The following ERBB4 variants were observed in gnomAD, a reference collection of about 807,000 sequenced individuals.
The protein encoded by ERBB4 is receptor tyrosine-protein kinase erbB-4.
A neutral mutation model predicts 158.0 loss-of-function variants in ERBB4; 42 were observed. That is an observed-to-expected ratio of 0.27 (90% CI 0.21 to 0.34). ERBB4 has a LOEUF of 0.34. Among genes scored for constraint, ERBB4 ranks in the 10% least tolerant of loss-of-function variants. ERBB4 has a pLI of 1.00. For missense variants in ERBB4, 1,333 were observed against 1,624.1 expected, an observed-to-expected ratio of 0.82 and a Z score of 3.08; for synonymous variants, 583 against 558.7, an observed-to-expected ratio of 1.04 and a Z score of -0.61.
chr2:212,142,637 ATCC>A (rs2080522547), intron 1 of ERBB4, among the ~76,000 whole-genome samples: 1 of 148,186 alleles, frequency 6.7e-6, no homozygotes, highest in Admixed American at 6.8e-5. Flanking sequence ...TATAAATATT[ATCC>A]TCAATTATAT....
intron 19 of ERBB4, among the ~76,000 whole-genome samples, chr2:211,580,859 GCATATACATATATATATATATATATATA>G (rs2068070289): frequency 1.5e-5 from 1 of 66,078 alleles, no homozygotes; most frequent in African/African-American, 6.9e-5. Flanking sequence ...TATATAGTAT[GCATATACATATATATATATATATATATA>G]TATATATATA....
intron 1 of ERBB4, among the ~76,000 whole-genome samples, chr2:212,352,338 A>C (rs373790413): frequency 4.1e-5 from 6 of 146,972 alleles, no homozygotes; most frequent in Middle Eastern, 3.5e-3. Context: ...AAAAAAAAAA[A>C]CACTTTATTT....
At chr2:211,681,500 TTAGTTTCCC>T (rs2072332502) in intron 12 of ERBB4, among the ~76,000 whole-genome samples, 1 of 152,158 alleles carries the variant, frequency 6.6e-6, no homozygotes. Context: ...AACTCAAAAT[TTAGTTTCCC>T]TACATCTTCA....
At chr2:212,077,842 T>C (rs2078318100) in intron 2 of ERBB4, among the ~76,000 whole-genome samples, 2 of 152,244 alleles carry the variant, frequency 1.3e-5, no homozygotes, top group Admixed American at 6.6e-5. Flanking sequence ...TTCTCATCTT[T>C]CCACAATTTC....
At chr2:211,422,224 G>C in intron 23 of ERBB4, 120 bp from the exon 24 acceptor site, 15 of 617,182 alleles carry the variant, frequency 2.4e-5, no homozygotes, top group Admixed American at 4.3e-5. Flanking sequence ...AATGATCTGA[G>C]AAAGAAAGCA....
chr2:211,850,408 A>AAT (rs139705130), intron 3 of ERBB4, among the ~76,000 whole-genome samples: 2 of 151,800 alleles, frequency 1.3e-5, no homozygotes, highest in South Asian at 4.1e-4. Context: ...ACTTGTGTTG[A>AAT]ATATATATAT....
rs1056432787 is a variant in ERBB4, at chr2:211,869,781, T to C, written c.421+77649A>G. 1.2e-4 allele frequency among the ~76,000 whole-genome samples: 19 copies of C among 152,320 alleles called. No individual in the cohort carries two copies. The South Asian group carries it at 3.9e-3, about 32-fold the overall frequency. On this transcript the variant is annotated intron_variant, in intron 3 of 27. Coordinates refer to ENST00000342788, the MANE Select transcript of ERBB4 (RefSeq NM_005235.3). ...GCATCTTCTCTAATAGAGTGGTATATATACAAATTATATTGATATTTTTAA... is the reference window on the plus strand; with the variant it reads ...GCATCTTCTCTAATAGAGTGGTATACATACAAATTATATTGATATTTTTAA...
rs1163858672 is a variant in ERBB4 at position 212,209,137 on chromosome 2, C to T, written c.83-84234G>A. On this transcript the variant is annotated intron_variant, in intron 1 of 27. Coordinates refer to ENST00000342788, the MANE Select transcript of ERBB4 (RefSeq NM_005235.3). ...TTTCTTCACATGCAGACTCATAATC[C>T]TTTCTATGGAAATAAAATTAATGTC... Among the ~76,000 whole-genome samples, 9 of 152,168 alleles carry T rather than the reference C, an allele frequency of 5.9e-5. No homozygotes were observed. In the East Asian group the frequency reaches 1.7e-3, roughly 29 times the overall value.
chr2:212,238,451 T>C lies in ERBB4; in HGVS notation c.83-113548A>G, dbSNP rs575903856. Among the ~76,000 whole-genome samples the C allele has an allele frequency of 7.3e-4, 111 of 152,216 alleles. 1 individual carries two copies. Among genetic ancestry groups the C allele is most frequent in the Admixed American group, 1.5e-3 (23 of 15,290 alleles). On this transcript the variant is annotated intron_variant, in intron 1 of 27. Coordinates refer to ENST00000342788, the MANE Select transcript of ERBB4 (RefSeq NM_005235.3). The stretch of plus-strand genomic sequence containing the variant: ...AGTGAGATGAGCCAGGTACCTCAGT[T>C]GGAAATGCAGAAACCACCTGCCTTC...
intron 20 of ERBB4, among the ~76,000 whole-genome samples, chr2:211,547,277 GA>G (rs988637540): frequency 2.6e-5 from 4 of 151,890 alleles, no homozygotes. Context: ...GCTATCTGGA[GA>G]AAAAAAATTG....
intron 1 of ERBB4, among the ~76,000 whole-genome samples, chr2:212,308,478 T>C (rs546373338): frequency 1.3e-4 from 19 of 151,172 alleles, no homozygotes; most frequent in Non-Finnish European, 1.9e-4. Flanking sequence ...ATTCTCCAAG[T>C]GGTATTTCTT....
At chr2:212,340,248 C>T (rs990310246) in intron 1 of ERBB4, among the ~76,000 whole-genome samples, 1 of 152,008 alleles carries the variant, frequency 6.6e-6, no homozygotes, top group African/African-American at 2.4e-5. Flanking sequence ...TTTTCAGGCC[C>T]TTCTTTCTTC....
intron 1 of ERBB4, among the ~76,000 whole-genome samples, chr2:212,186,786 C>A (rs62182568): frequency 0.19 from 28,595 of 151,916 alleles, 2,972 homozygotes; most frequent in Non-Finnish European, 0.22. Context: ...ATTCAAAAGA[C>A]TAATACTGAA....
chr2:212,282,842 G>A (rs1268491579), intron 1 of ERBB4, among the ~76,000 whole-genome samples: 1 of 151,874 alleles, frequency 6.6e-6, no homozygotes, highest in African/African-American at 2.4e-5. Flanking sequence ...TACGTGTTCA[G>A]AATGTTCAGA....
chr2:211,709,266 T>C (rs1244442139), intron 9 of ERBB4, among the ~76,000 whole-genome samples: 2 of 143,978 alleles, frequency 1.4e-5, no homozygotes, highest in African/African-American at 5.3e-5. Context: ...TATATATATA[T>C]ATATATATAC....
intron 1 of ERBB4, among the ~76,000 whole-genome samples, chr2:212,227,782 G>C (rs527386187): frequency 6.6e-6 from 1 of 152,016 alleles, no homozygotes; most frequent in Non-Finnish European, 1.5e-5. Context: ...CCGTGGACAA[G>C]GAGGAGAGTT....
chr2:211,721,233 A>G (rs2074079665), intron 7 of ERBB4, among the ~76,000 whole-genome samples: 1 of 152,128 alleles, frequency 6.6e-6, no homozygotes, highest in Non-Finnish European at 1.5e-5. Flanking sequence ...GCACTCTAAA[A>G]GTTTCAAATA....
intron 1 of ERBB4, among the ~76,000 whole-genome samples, chr2:212,466,493 T>A (rs978780893): frequency 6.6e-6 from 1 of 152,082 alleles, no homozygotes; most frequent in Admixed American, 6.6e-5. Flanking sequence ...AGTGAATGGG[T>A]CTCATGAGAT....
intron 14 of ERBB4, among the ~76,000 whole-genome samples, chr2:211,672,023 A>C (rs2071862282): frequency 6.6e-6 from 1 of 152,122 alleles, no homozygotes; most frequent in African/African-American, 2.4e-5. Flanking sequence ...TCAGAGGTCT[A>C]ATTTTCCAAG....
Sources: gnomAD v4.1 joint callset for allele counts (sites outside exome capture counted in the v4.1 genomes callset) on GRCh38, gnomAD v4.1.1 for gene constraint, MANE v1.5 for transcripts, NCBI Gene and HGNC (gene_info 2026-07-23, HGNC 2026-07-21) for gene names.